KREMEN1: variants seen among roughly 807,000 people sequenced by gnomAD.
KREMEN1 encodes kremen protein 1.
In KREMEN1, 30 loss-of-function variants were observed where a neutral mutation model predicts 46.5. The ratio of observed to expected loss-of-function variants is 0.65; its 90% CI spans 0.48 to 0.88. KREMEN1 has a LOEUF of 0.88. KREMEN1 is among the 40% of genes least tolerant of loss of function. The pLI is 0.00. For missense variants in KREMEN1, 533 were observed against 596.9 expected (o/e 0.89, Z 1.11); for synonymous variants, 214 against 230.6 (o/e 0.93, Z 0.65).
chr22:29,165,149 G>A (rs1351028941), intron 9 of KREMEN1, among the ~76,000 whole-genome samples: 1 of 152,124 alleles, frequency 6.6e-6, no homozygotes, highest in Non-Finnish European at 1.5e-5. Context: ...CTCCAGCCTG[G>A]GCAACGGAGC....
intron 5 of KREMEN1, among the ~76,000 whole-genome samples, chr22:29,135,865 A>T (rs1019430547): frequency 6.6e-6 from 1 of 152,104 alleles, no homozygotes; most frequent in African/African-American, 2.4e-5. Flanking sequence ...CCTGGTTGTC[A>T]TGAGACCTCA....
At chr22:29,121,150 C>T (rs569234268) in intron 3 of KREMEN1, among the ~76,000 whole-genome samples, 5 of 150,390 alleles carry the variant, frequency 3.3e-5, no homozygotes, top group African/African-American at 7.3e-5. Context: ...GACCTAGTCT[C>T]ACATACTCTT....
intron 5 of KREMEN1, among the ~76,000 whole-genome samples, chr22:29,131,000 A>G (rs962940989): frequency 1.2e-4 from 19 of 152,260 alleles, no homozygotes; most frequent in Non-Finnish European, 2.2e-4. Flanking sequence ...CCAAAGTTTT[A>G]GGTTTAAGGT....
At chr22:29,153,387 C>G (rs2038933059) in intron 9 of KREMEN1, among the ~76,000 whole-genome samples, 2 of 151,976 alleles carry the variant, frequency 1.3e-5, no homozygotes, top group African/African-American at 4.8e-5. Context: ...TGGAGTCGCT[C>G]TGTTTCCATT....
chr22:29,101,242 A>G (rs1207622094), intron 3 of KREMEN1, among the ~76,000 whole-genome samples: 2 of 117,836 alleles, frequency 1.7e-5, no homozygotes, highest in Admixed American at 2.0e-4. Flanking sequence ...ACACAACAAG[A>G]GTCTGTCTCC....
chr22:29,141,249 GTC>G (rs2038756678), intron 8 of KREMEN1, among the ~76,000 whole-genome samples: 4 of 150,096 alleles, frequency 2.7e-5, no homozygotes, highest in African/African-American at 7.5e-5. Context: ...GTGTGTGTGT[GTC>G]TGCATGTGCA....
At chr22:29,128,723 T>C (rs1482320266) in intron 5 of KREMEN1, among the ~76,000 whole-genome samples, 1 of 152,190 alleles carries the variant, frequency 6.6e-6, no homozygotes, top group Non-Finnish European at 1.5e-5. Flanking sequence ...TTTTGTGAAT[T>C]TTATGTTATT....
chr22:29,107,453 CT>C (rs2038079815), intron 3 of KREMEN1, among the ~76,000 whole-genome samples: 1 of 152,050 alleles, frequency 6.6e-6, no homozygotes, highest in Admixed American at 6.5e-5. Flanking sequence ...AACTCCTGAC[CT>C]TGTGATTCGC....
At chr22:29,159,040 G>A (rs2038986564) in intron 9 of KREMEN1, among the ~76,000 whole-genome samples, 2 of 151,146 alleles carry the variant, frequency 1.3e-5, no homozygotes, top group African/African-American at 2.4e-5. Context: ...AGCTGGTCTC[G>A]AACTCCTGAC....
intron 3 of KREMEN1, among the ~76,000 whole-genome samples, chr22:29,104,798 G>T (rs1346144417): frequency 6.6e-6 from 1 of 152,170 alleles, no homozygotes; most frequent in Non-Finnish European, 1.5e-5. Flanking sequence ...GGAGGCTGAG[G>T]TAGGAGAATC....
intron 2 of KREMEN1, among the ~76,000 whole-genome samples, chr22:29,096,669 A>C (rs1417541146): frequency 1.3e-5 from 2 of 152,246 alleles, no homozygotes; most frequent in African/African-American, 4.8e-5. Flanking sequence ...CTTTTGTTTT[A>C]GCACTGCAGC....
At chr22:29,161,364 A>G (rs376830953) in intron 9 of KREMEN1, among the ~76,000 whole-genome samples, 235 of 152,056 alleles carry the variant, frequency 1.5e-3, no homozygotes, top group Non-Finnish European at 2.4e-3. Context: ...AAAATTAGCC[A>G]GGCGTGGTGG....
At chr22:29,119,681 T>C (rs2038299235) in intron 3 of KREMEN1, among the ~76,000 whole-genome samples, 1 of 152,248 alleles carries the variant, frequency 6.6e-6, no homozygotes. Flanking sequence ...TTGAAAGCTG[T>C]CTACCAGAGT....
chr22:29,107,118 C>G (rs529435441), intron 3 of KREMEN1, among the ~76,000 whole-genome samples: 7 of 152,144 alleles, frequency 4.6e-5, no homozygotes, highest in African/African-American at 1.7e-4. Context: ...TCGTCAGCAG[C>G]TTTGTCTGGG....
intron 3 of KREMEN1, among the ~76,000 whole-genome samples, chr22:29,101,252 CAAAAA>C (rs368843166): frequency 5.3e-5 from 4 of 74,784 alleles, no homozygotes; most frequent in Middle Eastern, 0.019. Context: ...AGTCTGTCTC[CAAAAA>C]AAAAAAAAAA....
intron 3 of KREMEN1, among the ~76,000 whole-genome samples, chr22:29,116,422 G>A (rs2038240833): frequency 6.6e-6 from 1 of 152,192 alleles, no homozygotes; most frequent in African/African-American, 2.4e-5. Flanking sequence ...GGCCACTGAT[G>A]TTCAAATGGG....
intron 9 of KREMEN1, among the ~76,000 whole-genome samples, chr22:29,158,144 C>T (rs1229371669): frequency 6.6e-6 from 1 of 152,196 alleles, no homozygotes; most frequent in Non-Finnish European, 1.5e-5. Flanking sequence ...GAGCATGAGG[C>T]TGGAGAAGTG....
intron 9 of KREMEN1, among the ~76,000 whole-genome samples, chr22:29,158,563 C>G (rs1244384662): frequency 6.6e-6 from 1 of 152,230 alleles, no homozygotes; most frequent in Non-Finnish European, 1.5e-5. Flanking sequence ...ACAAAGGCCC[C>G]ACATTTGGCC....
intron 9 of KREMEN1, among the ~76,000 whole-genome samples, chr22:29,156,360 C>T (rs13054518): frequency 0.015 from 2,309 of 152,352 alleles, 38 homozygotes; most frequent in Non-Finnish European, 0.021. Flanking sequence ...ATGTTTATGC[C>T]TTTGGAAAGA....
Sources: gnomAD v4.1 joint callset for allele counts (sites outside exome capture counted in the v4.1 genomes callset) on GRCh38, gnomAD v4.1.1 for gene constraint, MANE v1.5 for transcripts, NCBI Gene and HGNC (gene_info 2026-07-23, HGNC 2026-07-21) for gene names.